Variants in KCNS3 observed in about 807,000 individuals in gnomAD.
KCNS3 encodes delayed-rectifier potassium channel regulatory subunit KCNS3.
A neutral mutation model predicts 31.0 loss-of-function variants in KCNS3; 13 were observed. The ratio of observed to expected loss-of-function variants is 0.42; its 90% CI spans 0.27 to 0.67. The LOEUF (loss-of-function observed/expected upper bound fraction) is 0.67. Ranked by LOEUF, KCNS3 falls within the 30% of genes least tolerant of loss-of-function variation. The pLI, the probability that KCNS3 is intolerant of heterozygous loss-of-function variation, is 0.25. For synonymous variants in KCNS3, 238 were observed against 241.5 expected, an observed-to-expected ratio of 0.99 and a Z score of 0.13; for missense variants, 545 against 622.4, an observed-to-expected ratio of 0.88 and a Z score of 1.32.
At chr2:17,878,420 G>A (rs1215535275), upstream of KCNS3, among the ~76,000 whole-genome samples, 1 of 151,756 alleles carries the variant, frequency 6.6e-6, no homozygotes, top group Admixed American at 6.5e-5. Context: ...CTGGGCGGGG[G>A]CGCGCGGCCG....
At chr2:17,888,319 C>G (rs1661740080) in intron 1 of KCNS3, among the ~76,000 whole-genome samples, 1 of 151,916 alleles carries the variant, frequency 6.6e-6, no homozygotes, top group Non-Finnish European at 1.5e-5. Context: ...TGTTCCAATG[C>G]TATCTTCTAG....
rs1416680042 is a variant in KCNS3, at chr2:17,931,729, C to A, written c.721C>A (p.Leu241Met). ...GTTCACCGGGGAGCTTGCCGTCCGGCTGGCTGCCGCTCCTTGTCAAAAGAA... is the reference window on the plus strand; with the variant it reads ...GTTCACCGGGGAGCTTGCCGTCCGGATGGCTGCCGCTCCTTGTCAAAAGAA... ...AWFTGELAVRLAAAPCQKKFW... is the reference protein window; with the variant it reads ...AWFTGELAVRMAAAPCQKKFW... Residue 241 changes from leucine to methionine, a missense_variant, in exon 3 of 3, where the codon CTG becomes ATG. Physicochemically the swap from Leu to Met is conservative, Grantham distance 15. Coordinates refer to ENST00000304101, the MANE Select transcript of KCNS3 (RefSeq NM_002252.5). This position sits in a 1 kb window ranked among gnomAD's most constrained non-coding sequence, Gnocchi z 5.4. The A allele has an allele frequency of 5.6e-6, 9 of 1,614,046 alleles. No individual in the cohort carries two copies. Among genetic ancestry groups the A allele is most frequent in the Non-Finnish European group, 7.6e-6 (9 of 1,179,932 alleles).
chr2:17,924,169 G>C (rs926399252), intron 2 of KCNS3, among the ~76,000 whole-genome samples: 1 of 151,284 alleles, frequency 6.6e-6, no homozygotes, highest in Non-Finnish European at 1.5e-5. Context: ...ATTATTGCTA[G>C]TATATAGAGA....
At chr2:17,905,368 G>A (rs1310629758) in intron 1 of KCNS3, among the ~76,000 whole-genome samples, 4 of 152,174 alleles carry the variant, frequency 2.6e-5, no homozygotes. Flanking sequence ...GGGCTGAGAT[G>A]ATGGGGTTTT....
Position 17,931,164 on chromosome 2 carries a change from C to A in KCNS3, c.156C>A (p.Ala52=). The A allele has an allele frequency of 6.2e-7, 1 of 1,614,152 alleles. No homozygotes were observed. ...TGCTTACTTGCCATTCTGAAGAGGC[C>A]ATTCTGGAGCTGTGTGATGATTACA... The part of the protein sequence containing the change: ...GKLLTCHSEE[A]ILELCDDYSV... Residue 52 remains alanine (A), a synonymous_variant, in exon 3 of 3, where the codon GCC becomes GCA. Coordinates refer to ENST00000304101, the MANE Select transcript of KCNS3 (RefSeq NM_002252.5). The surrounding 1 kb of genome is among the most constrained non-coding windows in gnomAD (Gnocchi z 5.4).
chr2:17,931,131 G>A lies in KCNS3; in HGVS notation c.123G>A (p.Leu41=), dbSNP rs746487207. 1.1e-5 allele frequency: 18 copies of A among 1,614,214 alleles called. No homozygotes were observed. The highest frequency in any genetic ancestry group is 1.6e-4 in the Middle Eastern group (1 of 6,062). The change falls in exon 3 of 3, where the codon CTG becomes CTA. Residue 41 remains leucine, a synonymous_variant. Coordinates refer to ENST00000304101, the MANE Select transcript of KCNS3 (RefSeq NM_002252.5). This position sits in a 1 kb window ranked among gnomAD's most constrained non-coding sequence, Gnocchi z 5.4. The stretch of plus-strand genomic sequence containing the variant: ...TCCTGCGGTTTCCTCACACCAGACT[G>A]GGGAAGCTGCTTACTTGCCATTCTG... The part of the protein sequence containing the change: ...STLLRFPHTR[L]GKLLTCHSEE...
intron 2 of KCNS3, among the ~76,000 whole-genome samples, chr2:17,925,258 C>G (rs1002437259): frequency 6.6e-6 from 1 of 152,128 alleles, no homozygotes; most frequent in Non-Finnish European, 1.5e-5. Flanking sequence ...AGCTTACCAG[C>G]GTCAACATCA....
chr2:17,884,606 T>C (rs1319945897), intron 1 of KCNS3, among the ~76,000 whole-genome samples: 1 of 152,002 alleles, frequency 6.6e-6, no homozygotes, highest in Non-Finnish European at 1.5e-5. Flanking sequence ...GTGCAGACCA[T>C]ACACATAAAG....
chr2:17,924,550 T>G (rs1558459592), intron 2 of KCNS3, among the ~76,000 whole-genome samples: 1 of 152,158 alleles, frequency 6.6e-6, no homozygotes, highest in Non-Finnish European at 1.5e-5. Flanking sequence ...GTTTTTGAGT[T>G]TTTGTTTTTA....
At chr2:17,902,269 G>A (rs1027822624) in intron 1 of KCNS3, among the ~76,000 whole-genome samples, 14 of 152,080 alleles carry the variant, frequency 9.2e-5, no homozygotes, top group Admixed American at 6.6e-4. Context: ...AGAATAAAAG[G>A]AAGGGTGAAT....
chr2:17,916,738 T>G (rs1259885303), intron 1 of KCNS3, among the ~76,000 whole-genome samples: 2 of 152,134 alleles, frequency 1.3e-5, no homozygotes, highest in East Asian at 3.8e-4. Flanking sequence ...AGGCACTGCA[T>G]CTGGTTTATA....
At chr2:17,899,327 CA>C (rs1274214414) in intron 1 of KCNS3, among the ~76,000 whole-genome samples, 1 of 152,170 alleles carries the variant, frequency 6.6e-6, no homozygotes, top group Non-Finnish European at 1.5e-5. Flanking sequence ...ATGTGATCCA[CA>C]TATTAACCCA....
At chr2:17,901,183 T>C (rs900042371) in intron 1 of KCNS3, among the ~76,000 whole-genome samples, 4 of 152,174 alleles carry the variant, frequency 2.6e-5, no homozygotes, top group African/African-American at 9.7e-5. Context: ...ATGTGCATGT[T>C]AAGGGTAACT....
At chr2:17,918,497 C>T (rs1403428711) in intron 2 of KCNS3, among the ~76,000 whole-genome samples, 1 of 152,216 alleles carries the variant, frequency 6.6e-6, no homozygotes, top group Non-Finnish European at 1.5e-5. Flanking sequence ...CAGTTCACCA[C>T]CATCCCCAAC....
intron 1 of KCNS3, among the ~76,000 whole-genome samples, chr2:17,913,140 T>TGCG (rs879686024): frequency 1.3e-5 from 2 of 151,800 alleles, no homozygotes; most frequent in Admixed American, 1.3e-4. Flanking sequence ...TTTATTTAAT[T>TGCG]AAACACTGGG....
intron 1 of KCNS3, among the ~76,000 whole-genome samples, chr2:17,905,176 A>G (rs1483806867): frequency 2.0e-5 from 3 of 152,190 alleles, no homozygotes; most frequent in African/African-American, 7.2e-5. Context: ...GGTCCTTCAC[A>G]TCCCTTGTAA....
At chr2:17,890,951 G>A (rs1474754314) in intron 1 of KCNS3, among the ~76,000 whole-genome samples, 4 of 152,144 alleles carry the variant, frequency 2.6e-5, no homozygotes, top group Non-Finnish European at 5.9e-5. Flanking sequence ...TTTGTTCCAA[G>A]GTATAGTTTA....
At chr2:17,923,400 A>G (rs917674821) in intron 2 of KCNS3, among the ~76,000 whole-genome samples, 4 of 151,980 alleles carry the variant, frequency 2.6e-5, no homozygotes, top group East Asian at 3.9e-4. Context: ...ATTTTCTTCT[A>G]TTTTGTGAGT....
At chr2:17,917,543 C>T (rs1470963137) in intron 1 of KCNS3, 137 bp from the exon 2 acceptor site, 1 of 152,196 alleles carries the variant, frequency 6.6e-6, no homozygotes, top group Admixed American at 6.5e-5. Flanking sequence ...AGACCACCCC[C>T]CACTTGCTGA....
Sources: allele counts gnomAD v4.1 joint callset (sites outside exome capture counted in the v4.1 genomes callset), GRCh38; gene constraint gnomAD v4.1.1; non-coding constraint Gnocchi (gnomAD v3.1); transcripts MANE v1.5; gene names NCBI Gene and HGNC (gene_info 2026-07-23, HGNC 2026-07-21).